Variants in CDK12 observed in about 807,000 individuals in gnomAD.
The protein encoded by CDK12 is cyclin-dependent kinase 12.
In CDK12, 17 loss-of-function variants were observed where a neutral mutation model predicts 133.8. That is an observed-to-expected ratio of 0.13 (90% CI 0.09 to 0.19). The LOEUF (loss-of-function observed/expected upper bound fraction) is 0.19. CDK12 is among the 10% of genes least tolerant of loss of function. The pLI, the probability that CDK12 is intolerant of heterozygous loss-of-function variation, is 1.00. For synonymous variants in CDK12, 694 were observed against 683.6 expected (o/e 1.02, Z -0.24); for missense variants, 1,508 against 1,818.7 (o/e 0.83, Z 3.11).
chr17:39,506,496 G>A (rs528676127), intron 6 of CDK12, among the ~76,000 whole-genome samples: 13 of 152,002 alleles, frequency 8.6e-5, no homozygotes, highest in Non-Finnish European at 1.6e-4. Context: ...GATTACAGAC[G>A]CGAGCCACCA....
chr17:39,508,374 A>C (rs2053267609), intron 6 of CDK12, among the ~76,000 whole-genome samples: 1 of 152,316 alleles, frequency 6.6e-6, no homozygotes, highest in Middle Eastern at 3.4e-3. Flanking sequence ...AAATATGACT[A>C]AACAGGTTAC....
At chr17:39,509,926 C>G (rs912312169) in intron 7 of CDK12, among the ~76,000 whole-genome samples, 165 bp downstream of exon 7, 3 of 151,860 alleles carry the variant, frequency 2.0e-5, no homozygotes, top group African/African-American at 7.3e-5. Context: ...CTTAGTCTCA[C>G]AAGTAGCTGG....
chr17:39,480,085 A>G (rs1265006944), intron 2 of CDK12, among the ~76,000 whole-genome samples: 1 of 151,562 alleles, frequency 6.6e-6, no homozygotes, highest in Non-Finnish European at 1.5e-5. Context: ...CATCACGCCT[A>G]GCTAATTTTT....
chr17:39,473,075 TAAA>T (rs796227047), intron 2 of CDK12, among the ~76,000 whole-genome samples: 1 of 140,120 alleles, frequency 7.1e-6, no homozygotes. Context: ...GACTCCGTCT[TAAA>T]AAAAAAAAAA....
chr17:39,517,866 A>T (rs1391768436), intron 10 of CDK12, among the ~76,000 whole-genome samples: 2 of 152,098 alleles, frequency 1.3e-5, no homozygotes, highest in Non-Finnish European at 2.9e-5. Context: ...TTTGTTTTTT[A>T]AATTGAGACA....
At chr17:39,479,233 G>A (rs149871892) in intron 2 of CDK12, among the ~76,000 whole-genome samples, 8,665 of 148,674 alleles carry the variant, frequency 0.058, 384 homozygotes, top group Non-Finnish European at 0.084. Flanking sequence ...GCATGAGCCC[G>A]GGAGGCGGAG....
chr17:39,528,156 G>T (rs1207482067), intron 13 of CDK12, among the ~76,000 whole-genome samples: 1 of 151,916 alleles, frequency 6.6e-6, no homozygotes, highest in Non-Finnish European at 1.5e-5. Flanking sequence ...CCGACCTCTG[G>T]TGATCCACCC....
At chr17:39,561,142 G>T (rs1326218954) in intron 3 of CDK12, among the ~76,000 whole-genome samples, 1 of 152,222 alleles carries the variant, frequency 6.6e-6, no homozygotes, top group Non-Finnish European at 1.5e-5. Context: ...AGACACCTGA[G>T]ACCTGGAATG....
downstream of CDK12, among the ~76,000 whole-genome samples, chr17:39,565,798 G>A (rs1385160665): frequency 1.3e-5 from 2 of 152,190 alleles, no homozygotes; most frequent in Non-Finnish European, 2.9e-5. Flanking sequence ...TCTGGATGTT[G>A]GTATCCAGGA....
At chr17:39,502,144 A>G (rs2052760752) in intron 6 of CDK12, among the ~76,000 whole-genome samples, 1 of 131,420 alleles carries the variant, frequency 7.6e-6, no homozygotes, top group Admixed American at 7.8e-5. Context: ...CACCTGGCAT[A>G]CTAGTTTGTT....
chr17:39,509,977 T>A (rs931601149), intron 7 of CDK12, among the ~76,000 whole-genome samples: 1 of 152,004 alleles, frequency 6.6e-6, no homozygotes, highest in Non-Finnish European at 1.5e-5. Context: ...AATTTTTGTA[T>A]TTTTAGTAGA....
chr17:39,461,625 G>A lies in CDK12; in HGVS notation c.-447G>A. On this transcript the variant is annotated 5_prime_UTR_variant, in exon 1 of 14. Transcript: ENST00000447079. ...AAAGGGGGCGTGAGGCACCTAGGCC[G>A]CGGCACCCCGGCGACAGGAAGCCGT... The A allele has an allele frequency of 7.4e-6, 2 of 269,474 alleles. No homozygotes were observed. Among genetic ancestry groups the A allele is most frequent in the East Asian group, 5.3e-5 (1 of 18,884 alleles). 16.7% of individuals were successfully genotyped at this position (269,474 alleles called of 1,614,324 possible).
chr17:39,566,996 C>G (rs888911876), downstream of CDK12: 1 of 152,376 alleles, frequency 6.6e-6, no homozygotes, highest in African/African-American at 2.4e-5. Context: ...GAGGCTAAGC[C>G]CGGGCAGCTA....
At chr17:39,466,119 C>T (rs1277766114) in intron 1 of CDK12, among the ~76,000 whole-genome samples, 2 of 151,790 alleles carry the variant, frequency 1.3e-5, no homozygotes, top group African/African-American at 4.8e-5. Flanking sequence ...ACCAGCCTGG[C>T]CAGCGTGGTG....
intron 2 of CDK12, among the ~76,000 whole-genome samples, chr17:39,552,515 AG>A (rs1385235483): frequency 6.6e-6 from 1 of 152,204 alleles, no homozygotes; most frequent in African/African-American, 2.4e-5. Flanking sequence ...AGCAGTGGAA[AG>A]GAGCATGCAT....
chr17:39,465,734 G>A lies in CDK12; in HGVS notation c.1046+2617G>A, dbSNP rs573117173. Among the ~76,000 whole-genome samples, 14 of 152,088 alleles carry A rather than the reference G, an allele frequency of 9.2e-5. 1 individual carries two copies. In the South Asian group the frequency reaches 2.5e-3, roughly 27 times the overall value. ...TCCAACTCCTGACCTCAGGTGATCC[G>A]CCAGCCTCGGCCTCCTAAAGTGCTG... On this transcript the variant is annotated intron_variant, in intron 1 of 13. Transcript: ENST00000447079.
chr17:39,506,715 G>T (rs2053154229), intron 6 of CDK12, among the ~76,000 whole-genome samples: 1 of 152,090 alleles, frequency 6.6e-6, no homozygotes, highest in South Asian at 2.1e-4. Flanking sequence ...AAAGAGGGCT[G>T]AACTGGGAGT....
intron 8 of CDK12, among the ~76,000 whole-genome samples, chr17:39,513,000 G>T (rs1367372174): frequency 1.3e-5 from 2 of 152,144 alleles, no homozygotes. Flanking sequence ...GTTATATTTT[G>T]AGTCCTTTTG....
At chr17:39,495,384 GTTTTTTTTTTTTTTTTTTTT>G (rs60185847) in intron 5 of CDK12, among the ~76,000 whole-genome samples, 3 of 110,690 alleles carry the variant, frequency 2.7e-5, no homozygotes, top group African/African-American at 1.1e-4. Context: ...GGCCTCATGT[GTTTTTTTTTTTTTTTTTTTT>G]TTTTTTTTTT....
Sources: allele counts gnomAD v4.1 joint callset (sites outside exome capture counted in the v4.1 genomes callset), GRCh38; gene constraint gnomAD v4.1.1; transcripts MANE v1.5; gene names NCBI Gene and HGNC (gene_info 2026-07-23, HGNC 2026-07-21).